Variants in DGKH observed in about 807,000 individuals in gnomAD.
DGKH encodes the protein diacylglycerol kinase eta.
A neutral mutation model predicts 159.3 loss-of-function variants in DGKH; 90 were observed. The observed-to-expected ratio is 0.57, with a 90% CI of 0.48 to 0.67. The LOEUF (loss-of-function observed/expected upper bound fraction) is 0.67. Ranked by LOEUF, DGKH falls within the 30% of genes least tolerant of loss-of-function variation. The probability of loss-of-function intolerance (pLI) is 0.00; values close to 1 mark genes in which losing one functional copy is unlikely to be tolerated. For synonymous variants in DGKH, 536 were observed against 553.8 expected (o/e 0.97, Z 0.45); for missense variants, 1,181 against 1,506.1 (o/e 0.78, Z 3.57).
chr13:42,236,549 T>A lies in DGKH; in HGVS notation c.*7361T>A, dbSNP rs1006986157. ...ATTTTATCTTCATGTCACAACTTAT[T>A]TTCTGTAGCCAATTCTCAGTTTTAG... On this transcript the variant is annotated 3_prime_UTR_variant, in exon 30 of 30. Coordinates refer to ENST00000337343, the MANE Select transcript of DGKH (RefSeq NM_178009.5). 25 of 152,220 alleles carry A rather than the reference T, an allele frequency of 1.6e-4. No individual in the cohort carries two copies. The highest frequency in any genetic ancestry group is 7.3e-5 in the Non-Finnish European group (5 of 68,028). The allele number at this position is 152,220 out of a possible 1,614,324, so 9.4% of individuals were successfully genotyped here.
At chr13:42,246,349 C>T (rs999710462), downstream of DGKH, among the ~76,000 whole-genome samples, 1 of 151,952 alleles carries the variant, frequency 6.6e-6, no homozygotes, top group African/African-American at 2.4e-5. Flanking sequence ...TTTGGGAGGC[C>T]AAGGGAGGAG....
chr13:42,074,291 G>C (rs1883161995), intron 1 of DGKH, among the ~76,000 whole-genome samples: 1 of 152,088 alleles, frequency 6.6e-6, no homozygotes, highest in Admixed American at 6.5e-5. Context: ...TATGATTTCT[G>C]CCATTTTTAA....
chr13:42,225,451 GT>G, intron 29 of DGKH: 2 of 960,118 alleles, frequency 2.1e-6, no homozygotes, highest in Non-Finnish European at 2.9e-6. Context: ...AATTTGGACT[GT>G]TTATCCAGGG....
chr13:42,224,272 A>T (rs1393873131), intron 29 of DGKH, among the ~76,000 whole-genome samples: 1 of 152,082 alleles, frequency 6.6e-6, no homozygotes, highest in Non-Finnish European at 1.5e-5. Context: ...TATAAATCAG[A>T]TCTCTGGCCC....
chr13:42,158,570 C>T (rs1032208033), intron 5 of DGKH, among the ~76,000 whole-genome samples: 5 of 152,066 alleles, frequency 3.3e-5, no homozygotes, highest in Non-Finnish European at 4.4e-5. Context: ...TTTATAAGTT[C>T]CTTTTGATAA....
chr13:42,118,747 G>A (rs111881488), intron 1 of DGKH, among the ~76,000 whole-genome samples: 13 of 152,210 alleles, frequency 8.5e-5, no homozygotes, highest in African/African-American at 3.1e-4. Context: ...CACGCATTTG[G>A]AGGGCTGTGT....
At chr13:42,064,059 G>A (rs549507230) in intron 1 of DGKH, among the ~76,000 whole-genome samples, 6 of 152,106 alleles carry the variant, frequency 3.9e-5, no homozygotes, top group Non-Finnish European at 5.9e-5. Context: ...TTATATATGC[G>A]AGATGGGGTG....
intron 1 of DGKH, among the ~76,000 whole-genome samples, chr13:42,106,138 G>T (rs1031752016): frequency 6.6e-6 from 1 of 152,104 alleles, no homozygotes; most frequent in African/African-American, 2.4e-5. Context: ...CTCCTGAGTA[G>T]CTGGAATTAC....
intron 3 of DGKH, chr13:42,138,179 A>G: frequency 1.1e-6 from 1 of 900,222 alleles, no homozygotes; most frequent in Non-Finnish European, 1.3e-6. Flanking sequence ...GGCACAGCTA[A>G]TATGGAATTC....
intron 3 of DGKH, among the ~76,000 whole-genome samples, chr13:42,131,888 A>G (rs1038788678): frequency 6.6e-5 from 10 of 152,340 alleles, no homozygotes; most frequent in African/African-American, 2.2e-4. Context: ...GCTGAACAGG[A>G]TCCAACAACC....
chr13:42,201,243 G>A (rs1228472696), intron 20 of DGKH, among the ~76,000 whole-genome samples: 5 of 152,074 alleles, frequency 3.3e-5, no homozygotes, highest in East Asian at 1.9e-4. Context: ...TGCCCGCCTC[G>A]GCCTTCCAAA....
intron 30 of DGKH, among the ~76,000 whole-genome samples, chr13:42,253,109 T>TG (rs747493879): frequency 6.6e-4 from 100 of 152,358 alleles, no homozygotes; most frequent in Non-Finnish European, 1.2e-3. Flanking sequence ...GTTGAAGGTG[T>TG]GGCATGGGTT....
At chr13:42,203,240 C>A (rs1218167462) in intron 20 of DGKH, among the ~76,000 whole-genome samples, 1 of 152,150 alleles carries the variant, frequency 6.6e-6, no homozygotes, top group Non-Finnish European at 1.5e-5. Flanking sequence ...TAATTCTTAA[C>A]AACTCATGAG....
intron 23 of DGKH, 131 bp from the exon 24 acceptor site, chr13:42,210,470 TG>T (rs1255380043): frequency 1.2e-6 from 1 of 867,648 alleles, no homozygotes; most frequent in African/African-American, 1.7e-5. Context: ...AACTTTGAAA[TG>T]TCTTTTTTAT....
chr13:42,245,672 G>T (rs191653080), downstream of DGKH, among the ~76,000 whole-genome samples: 2 of 151,770 alleles, frequency 1.3e-5, no homozygotes, highest in Admixed American at 1.3e-4. Context: ...TGCAACCACC[G>T]CCTCCCAGGT....
intron 5 of DGKH, among the ~76,000 whole-genome samples, chr13:42,157,958 C>T (rs974117488): frequency 6.6e-6 from 1 of 152,144 alleles, no homozygotes; most frequent in Non-Finnish European, 1.5e-5. Context: ...CAAGGTTTCA[C>T]CTTTGTGACC....
At position 42,174,253 on chromosome 13, in the gene DGKH, C is replaced by T. The variant is rs571017883; in HGVS notation, c.1452+109C>T. 9.6e-6 allele frequency: 9 copies of T among 934,990 alleles called. 1 individual carries two copies. The South Asian group carries it at 1.4e-4, about 15-fold the overall frequency. 57.9% of individuals were successfully genotyped at this position (934,990 alleles called of 1,614,324 possible). Reference sequence around the variant, plus strand: ...CTAATATATTGTGGTAGCATGTTAACTTAATTTTATTTTTGGGGTATGGTC... The same window carrying T: ...CTAATATATTGTGGTAGCATGTTAATTTAATTTTATTTTTGGGGTATGGTC... On this transcript the variant is annotated intron_variant, in intron 12 of 29. Coordinates refer to ENST00000337343, the MANE Select transcript of DGKH (RefSeq NM_178009.5).
intron 23 of DGKH, among the ~76,000 whole-genome samples, chr13:42,209,670 C>T (rs1398561783): frequency 6.6e-6 from 1 of 152,142 alleles, no homozygotes; most frequent in Non-Finnish European, 1.5e-5. Flanking sequence ...AAAAACTGGG[C>T]AGAAAGTAAA....
intron 1 of DGKH, among the ~76,000 whole-genome samples, chr13:42,108,521 T>C (rs1030874615): frequency 6.6e-6 from 1 of 152,162 alleles, no homozygotes; most frequent in Admixed American, 6.5e-5. Flanking sequence ...ATTTTGGAAT[T>C]AGAATCTAGG....
Sources: allele counts gnomAD v4.1 joint callset (sites outside exome capture counted in the v4.1 genomes callset), GRCh38; gene constraint gnomAD v4.1.1; transcripts MANE v1.5; gene names NCBI Gene and HGNC (gene_info 2026-07-23, HGNC 2026-07-21).